CCDC144A: variants seen among roughly 807,000 people sequenced by gnomAD.
CCDC144A encodes the protein coiled-coil domain-containing protein 144A.
CCDC144A carries 41 observed loss-of-function variants against 143.8 expected under a neutral mutation model. The observed-to-expected ratio is 0.29, with a 90% CI of 0.22 to 0.37. CCDC144A has a LOEUF of 0.37. Ranked by LOEUF, CCDC144A falls within the 10% of genes least tolerant of loss-of-function variation. The probability of loss-of-function intolerance (pLI) is 1.00; values close to 1 mark genes in which losing one functional copy is unlikely to be tolerated. For missense variants in CCDC144A, 637 were observed against 1,488.8 expected (o/e 0.43, Z 9.41); for synonymous variants, 242 against 517.9 (o/e 0.47, Z 7.23).
At chr17:16,700,731 G>A (rs1811928758) in intron 2 of CCDC144A, among the ~76,000 whole-genome samples, 2 of 152,064 alleles carry the variant, frequency 1.3e-5, no homozygotes. Flanking sequence ...AAATAGCAAG[G>A]CTGCTTACAG....
the CCDC144A span, among the ~76,000 whole-genome samples, chr17:16,675,269 G>GGA: frequency 2.2e-5 from 2 of 90,060 alleles, no homozygotes; most frequent in African/African-American, 8.0e-5. Flanking sequence ...ACTCCATCTT[G>GGA]AAAAAAAAAA....
intron 2 of CCDC144A, among the ~76,000 whole-genome samples, chr17:16,703,416 A>T (rs552784046): frequency 6.6e-6 from 1 of 152,244 alleles, no homozygotes; most frequent in Non-Finnish European, 1.5e-5. Flanking sequence ...AATTAAAATA[A>T]AGAAAAATTA....
intron 6 of CCDC144A, among the ~76,000 whole-genome samples, chr17:16,715,033 G>A (rs1912664401): frequency 1.3e-5 from 2 of 152,044 alleles, no homozygotes; most frequent in East Asian, 1.9e-4. Flanking sequence ...CCCTTTCTCA[G>A]TAAGGACTTT....
At chr17:16,707,724 AT>A (rs757208186) in intron 4 of CCDC144A, among the ~76,000 whole-genome samples, 182 bp downstream of exon 4, 19 of 152,320 alleles carry the variant, frequency 1.2e-4, no homozygotes, top group Non-Finnish European at 1.8e-4. Flanking sequence ...TATTGTTAGA[AT>A]CTATCATAAC....
intron 9 of CCDC144A, among the ~76,000 whole-genome samples, chr17:16,731,042 G>C (rs1913717133): frequency 6.6e-6 from 1 of 150,768 alleles, no homozygotes; most frequent in Non-Finnish European, 1.5e-5. Flanking sequence ...GACAGTAATT[G>C]ATGATTATTT....
chr17:16,684,500 C>G, the CCDC144A span, among the ~76,000 whole-genome samples: 1 of 151,658 alleles, frequency 6.6e-6, no homozygotes, highest in African/African-American at 2.4e-5. Flanking sequence ...TTAAAGAGTA[C>G]AAAAATTAGC....
At chr17:16,679,096 G>C in the CCDC144A span, among the ~76,000 whole-genome samples, 5 of 147,192 alleles carry the variant, frequency 3.4e-5, no homozygotes, top group African/African-American at 5.1e-5. Flanking sequence ...GGCGGGGGGG[G>C]GTCTCACTTT....
intron 11 of CCDC144A, among the ~76,000 whole-genome samples, chr17:16,734,247 T>C (rs538985271): frequency 1.3e-5 from 2 of 152,026 alleles, no homozygotes; most frequent in East Asian, 1.9e-4. Context: ...TAAATAGCTA[T>C]AGAATATTCT....
chr17:16,710,928 C>T (rs1912368687), intron 5 of CCDC144A, among the ~76,000 whole-genome samples: 2 of 147,060 alleles, frequency 1.4e-5, no homozygotes, highest in Non-Finnish European at 3.0e-5. Flanking sequence ...GGCTTTAGCC[C>T]AGTTATCTAT....
intron 2 of CCDC144A, among the ~76,000 whole-genome samples, chr17:16,695,899 T>C (rs1284588953): frequency 2.0e-5 from 3 of 152,088 alleles, no homozygotes; most frequent in African/African-American, 7.2e-5. Context: ...GAGCAGCGAG[T>C]GCAAAAGTAA....
At chr17:16,773,266 A>G (rs1354472737) in intron 16 of CCDC144A, among the ~76,000 whole-genome samples, 6 of 151,842 alleles carry the variant, frequency 4.0e-5, no homozygotes, top group East Asian at 1.9e-4. Flanking sequence ...CTGTGCCAAC[A>G]TGACGAAACC....
At chr17:16,770,269 C>T (rs1277529074) in intron 15 of CCDC144A, among the ~76,000 whole-genome samples, 6 of 152,158 alleles carry the variant, frequency 3.9e-5, no homozygotes, top group Admixed American at 3.9e-4. Flanking sequence ...CCTGCCTCAG[C>T]CTCCTGAGTA....
intron 9 of CCDC144A, among the ~76,000 whole-genome samples, chr17:16,729,991 T>TATATATATATATATACACACACAC (rs1491438660): frequency 1.7e-5 from 2 of 114,884 alleles, no homozygotes; most frequent in Non-Finnish European, 3.7e-5. Flanking sequence ...TATATATATA[T>TATATATATATATATACACACACAC]ACACACATAC....
chr17:16,688,476 C>CTTTT (rs1555529608), upstream of CCDC144A, among the ~76,000 whole-genome samples: 1 of 123,226 alleles, frequency 8.1e-6, no homozygotes, highest in African/African-American at 3.2e-5. Context: ...TACTTTTTTT[C>CTTTT]TTTTTCTGTT....
chr17:16,688,916 T>G (rs1322224280), upstream of CCDC144A, among the ~76,000 whole-genome samples: 1 of 152,202 alleles, frequency 6.6e-6, no homozygotes, highest in Admixed American at 6.5e-5. Context: ...GATTTGAGAC[T>G]GAGCTCCCAT....
At chr17:16,769,152 T>A (rs1464063787) in intron 15 of CCDC144A, among the ~76,000 whole-genome samples, 6 of 152,074 alleles carry the variant, frequency 3.9e-5, no homozygotes, top group Admixed American at 3.3e-4. Flanking sequence ...TGCATGCTGC[T>A]TACTGCAGAG....
chr17:16,760,280 A>G (rs1256704434), intron 12 of CCDC144A, among the ~76,000 whole-genome samples: 2 of 150,654 alleles, frequency 1.3e-5, no homozygotes, highest in Non-Finnish European at 2.9e-5. Flanking sequence ...CAATTTGTAG[A>G]TGTTTTAAAA....
At chr17:16,749,693 A>C (rs1465051477) in intron 12 of CCDC144A, among the ~76,000 whole-genome samples, 1 of 152,176 alleles carries the variant, frequency 6.6e-6, no homozygotes, top group Non-Finnish European at 1.5e-5. Context: ...TGAGATGTTG[A>C]AGATCCCCAC....
intron 15 of CCDC144A, among the ~76,000 whole-genome samples, chr17:16,768,246 A>AC (rs1915689297): frequency 6.6e-6 from 1 of 152,088 alleles, no homozygotes; most frequent in African/African-American, 2.4e-5. Flanking sequence ...GTTCCATTAG[A>AC]CCCCCAATAA....
Sources: allele counts gnomAD v4.1 joint callset (sites outside exome capture counted in the v4.1 genomes callset), GRCh38; gene constraint gnomAD v4.1.1; transcripts MANE v1.5; gene names NCBI Gene and HGNC (gene_info 2026-07-23, HGNC 2026-07-21).